Variants in ZBTB20 observed in about 807,000 individuals in gnomAD.
The protein encoded by ZBTB20 is zinc finger and BTB domain-containing protein 20.
In ZBTB20, 9 loss-of-function variants were observed where a neutral mutation model predicts 56.9. The ratio of observed to expected loss-of-function variants is 0.16; its 90% confidence interval spans 0.10 to 0.28. The LOEUF (loss-of-function observed/expected upper bound fraction) is 0.28. Among genes scored for constraint, ZBTB20 ranks in the 10% least tolerant of loss-of-function variants. The pLI is 1.00. For missense variants in ZBTB20, 655 were observed against 1,003.0 expected (o/e 0.65, Z 4.69); for synonymous variants, 417 against 420.7 (o/e 0.99, Z 0.11).
rs773573086 is a variant in ZBTB20, at chr3:114,674,583, A to G, written c.-295+18945T>C. 1.3e-4 allele frequency among the ~76,000 whole-genome samples: 19 copies of G among 151,912 alleles called. 1 individual carries two copies. The highest frequency in any genetic ancestry group is 2.1e-4 in the Non-Finnish European group (14 of 68,022). ...AAACACATGTAAACTACAATGAAGG[A>G]GTACTAGAAAATAAAGTCAATTGGT... On this transcript the variant is annotated intron_variant, in intron 6 of 11. Transcript: ENST00000675478.
At chr3:114,739,663 T>C (rs1236483002) in intron 5 of ZBTB20, among the ~76,000 whole-genome samples, 2 of 152,248 alleles carry the variant, frequency 1.3e-5, no homozygotes, top group Non-Finnish European at 2.9e-5. Flanking sequence ...AAAACAATTT[T>C]AGATCTTAAT....
intron 10 of ZBTB20, among the ~76,000 whole-genome samples, chr3:114,362,147 T>C (rs543886860): frequency 6.6e-6 from 1 of 152,300 alleles, no homozygotes; most frequent in African/African-American, 2.4e-5. Flanking sequence ...GGGAATTTTT[T>C]TGTACCTGAA....
chr3:114,533,371 C>T (rs1413559433), intron 6 of ZBTB20, among the ~76,000 whole-genome samples: 1 of 151,660 alleles, frequency 6.6e-6, no homozygotes, highest in African/African-American at 2.4e-5. Flanking sequence ...CTGAATCAAT[C>T]AAGCAGAAGA....
intron 2 of ZBTB20, among the ~76,000 whole-genome samples, chr3:114,990,109 G>C (rs939595995): frequency 7.2e-5 from 11 of 152,196 alleles, no homozygotes; most frequent in South Asian, 2.1e-4. Flanking sequence ...TCTCCTGCCT[G>C]ATTGCCCTGG....
At position 115,145,156 on chromosome 3, in the gene ZBTB20, A is replaced by G. The variant is rs1356282636; in HGVS notation, c.-703+2063T>C. Among the ~76,000 whole-genome samples the G allele has an allele frequency of 3.3e-5, 5 of 152,352 alleles. No individual in the cohort carries two copies. In the East Asian group the frequency reaches 9.6e-4, roughly 29 times the overall value. On this transcript the variant is annotated intron_variant, in intron 1 of 11. Coordinates refer to ENST00000675478, the MANE Select transcript of ZBTB20 (RefSeq NM_001348800.3). ...AAAAGCTTTCCTGGGAGACTACTGGAAAGATGGCACAGGGATATCACCATG... is the reference window on the plus strand; with the variant it reads ...AAAAGCTTTCCTGGGAGACTACTGGGAAGATGGCACAGGGATATCACCATG...
In ZBTB20 at chr3:114,358,952, T is replaced by A. The variant is rs565237514; in HGVS notation, c.200-7074A>T. 1.8e-4 allele frequency among the ~76,000 whole-genome samples: 27 copies of A among 152,312 alleles called. No individual in the cohort carries two copies. In the South Asian group the frequency reaches 5.6e-3, roughly 32 times the overall value. ...ATGTTTCCCTCTTGGCTCTGTTCAC[T>A]AGGGAGCTCAGAATAAAAATTTAGG... is the stretch of plus-strand genomic sequence containing the variant. On this transcript the variant is annotated intron_variant, in intron 10 of 11. Transcript: ENST00000675478.
chr3:114,483,705 T>C (rs1438703313), intron 7 of ZBTB20, among the ~76,000 whole-genome samples: 6 of 152,176 alleles, frequency 3.9e-5, no homozygotes, highest in South Asian at 2.1e-4. Flanking sequence ...GTCGAGGTCA[T>C]AGACTTAATT....
intron 7 of ZBTB20, among the ~76,000 whole-genome samples, chr3:114,410,014 C>T (rs540555482): frequency 6.6e-6 from 1 of 152,116 alleles, no homozygotes; most frequent in Admixed American, 6.6e-5. Flanking sequence ...AAAGTATAGC[C>T]TTTATCGAAG....
At chr3:114,821,124 A>T (rs1294040145) in intron 4 of ZBTB20, among the ~76,000 whole-genome samples, 1 of 152,180 alleles carries the variant, frequency 6.6e-6, no homozygotes, top group Non-Finnish European at 1.5e-5. Context: ...AACAGTGCTT[A>T]AAAAATAGCT....
intron 11 of ZBTB20, among the ~76,000 whole-genome samples, chr3:114,344,133 T>A (rs566989203): frequency 2.0e-5 from 3 of 152,200 alleles, no homozygotes; most frequent in Non-Finnish European, 4.4e-5. Context: ...TGGGATGTGA[T>A]CCTGTTGCCA....
At chr3:115,135,083 C>T (rs78984868) in intron 1 of ZBTB20, among the ~76,000 whole-genome samples, 8,762 of 152,278 alleles carry the variant, frequency 0.058, 353 homozygotes, top group Admixed American at 0.15. Flanking sequence ...CCAAGCTCTT[C>T]GTCCCAATGT....
chr3:114,913,992 T>C lies in ZBTB20; in HGVS notation c.-455-13650A>G, dbSNP rs184352336. 8.7e-4 allele frequency among the ~76,000 whole-genome samples: 132 copies of C among 152,182 alleles called. 1 individual carries two copies. Among genetic ancestry groups the C allele is most frequent in the African/African-American group, 2.9e-3 (122 of 41,558 alleles). ...TCTTTTGGTTACTATAGCCCTGTAGTATAATTTGAACTCAGGTGATATTCC... is the reference window on the plus strand; with the variant it reads ...TCTTTTGGTTACTATAGCCCTGTAGCATAATTTGAACTCAGGTGATATTCC... On this transcript the variant is annotated intron_variant, in intron 3 of 11. Coordinates refer to ENST00000675478, the MANE Select transcript of ZBTB20 (RefSeq NM_001348800.3).
chr3:115,064,482 G>A (rs767887914), intron 2 of ZBTB20, among the ~76,000 whole-genome samples: 10 of 107,554 alleles, frequency 9.3e-5, no homozygotes, highest in African/African-American at 2.3e-4. Flanking sequence ...ACGGAATTTC[G>A]CTCTCGTTTC....
At chr3:115,018,807 A>G (rs1389465454) in intron 2 of ZBTB20, among the ~76,000 whole-genome samples, 1 of 151,460 alleles carries the variant, frequency 6.6e-6, no homozygotes, top group East Asian at 1.9e-4. Flanking sequence ...GTCTGCTTTA[A>G]TAGCTTGCTG....
intron 5 of ZBTB20, among the ~76,000 whole-genome samples, chr3:114,778,144 T>TA (rs998160954): frequency 6.7e-6 from 1 of 148,908 alleles, no homozygotes; most frequent in African/African-American, 2.5e-5. Flanking sequence ...TACCTAATGC[T>TA]AAATGACGAG....
At chr3:114,962,463 G>C (rs966824535) in intron 3 of ZBTB20, among the ~76,000 whole-genome samples, 2 of 152,082 alleles carry the variant, frequency 1.3e-5, no homozygotes, top group African/African-American at 2.4e-5. Flanking sequence ...AGATTTTGAA[G>C]GAAATTCTAA....
Position 115,140,564 on chromosome 3 carries a change from G to C in ZBTB20, c.-703+6655C>G, listed in dbSNP as rs72947706. Among the ~76,000 whole-genome samples the C allele has an allele frequency of 5.9e-3, 894 of 152,028 alleles. 12 individuals are homozygous for C. Among genetic ancestry groups the C allele is most frequent in the African/African-American group, 0.021 (865 of 41,504 alleles). On this transcript the variant is annotated intron_variant, in intron 1 of 11. Coordinates refer to ENST00000675478, the MANE Select transcript of ZBTB20 (RefSeq NM_001348800.3). ...GAGTGTGTATGTGTGTGTGGTGGTG[G>C]TAGGGGTCTTTGTTTTGTTTTGTTT... is the stretch of plus-strand genomic sequence containing the variant.
At chr3:115,078,061 ATAAC>A (rs1342977109) in intron 1 of ZBTB20, among the ~76,000 whole-genome samples, 1 of 152,186 alleles carries the variant, frequency 6.6e-6, no homozygotes, top group East Asian at 1.9e-4. Context: ...CTGAAGTGAA[ATAAC>A]TAGTGAGTTT....
intron 1 of ZBTB20, among the ~76,000 whole-genome samples, chr3:115,099,484 A>ACAT: frequency 6.6e-6 from 1 of 152,136 alleles, no homozygotes; most frequent in Non-Finnish European, 1.5e-5. Context: ...AAAACAGAAT[A>ACAT]CCTTATTTGT....
Sources: allele counts gnomAD v4.1 joint callset (sites outside exome capture counted in the v4.1 genomes callset), GRCh38; gene constraint gnomAD v4.1.1; transcripts MANE v1.5; gene names NCBI Gene and HGNC (gene_info 2026-07-23, HGNC 2026-07-21).